The following CDK5RAP2 variants were observed in gnomAD, a reference collection of about 807,000 sequenced individuals.
The protein encoded by CDK5RAP2 is CDK5 regulatory subunit-associated protein 2.
A neutral mutation model predicts 232.9 loss-of-function variants in CDK5RAP2; 147 were observed. The ratio of observed to expected loss-of-function variants is 0.63; its 90% CI spans 0.55 to 0.72. The LOEUF is 0.72. Ranked by LOEUF, CDK5RAP2 falls within the 30% of genes least tolerant of loss-of-function variation. The pLI, the probability that CDK5RAP2 is intolerant of heterozygous loss-of-function variation, is 0.00. For synonymous variants in CDK5RAP2, 833 were observed against 833.7 expected (o/e 1.00, Z 0.01); for missense variants, 2,195 against 2,231.5 (o/e 0.98, Z 0.33).
intron 11 of CDK5RAP2, among the ~76,000 whole-genome samples, chr9:120,522,509 G>A (rs895264148): frequency 2.6e-5 from 4 of 152,198 alleles, no homozygotes; most frequent in African/African-American, 9.7e-5. Context: ...CAGAGTCAAG[G>A]CAAGAGGTGA....
At chr9:120,527,670 G>C (rs1384467053) in intron 10 of CDK5RAP2, 136 bp downstream of exon 10, 7 of 923,504 alleles carry the variant, frequency 7.6e-6, no homozygotes, top group African/African-American at 5.0e-5. Context: ...CGGTTGACTA[G>C]AGGATCATTT....
Position 120,404,122 on chromosome 9 carries a change from T to C in CDK5RAP2, c.4964-9A>G, listed in dbSNP as rs767786986. On this transcript the variant is annotated splice_polypyrimidine_tract_variant and intron_variant, in intron 32 of 37. Transcript: ENST00000349780. The stretch of plus-strand genomic sequence containing the variant: ...GGGATATTTGTCACCATCTACAAAA[T>C]GCAAAACACGAGAACTGTTAGTTTC... 6.9e-6 allele frequency: 11 copies of C among 1,584,578 alleles called. No individual in the cohort carries two copies. Among genetic ancestry groups the C allele is most frequent in the African/African-American group, 2.7e-5 (2 of 74,430 alleles).
At chr9:120,534,703 C>T (rs1399962388) in intron 7 of CDK5RAP2, among the ~76,000 whole-genome samples, 1 of 152,208 alleles carries the variant, frequency 6.6e-6, no homozygotes, top group Non-Finnish European at 1.5e-5. Flanking sequence ...TCTTTTCAAA[C>T]CTATCCCAAA....
intron 25 of CDK5RAP2, among the ~76,000 whole-genome samples, chr9:120,436,590 C>A (rs1463438141): frequency 6.6e-6 from 1 of 152,128 alleles, no homozygotes; most frequent in Non-Finnish European, 1.5e-5. Flanking sequence ...AGGAACCACA[C>A]CCTGAATTAT....
At chr9:120,436,581 G>A (rs1357397539) in intron 25 of CDK5RAP2, among the ~76,000 whole-genome samples, 1 of 152,130 alleles carries the variant, frequency 6.6e-6, no homozygotes, top group African/African-American at 2.4e-5. Flanking sequence ...CTTGGTCTGA[G>A]GAACCACACC....
intron 10 of CDK5RAP2, among the ~76,000 whole-genome samples, chr9:120,527,224 T>C (rs972339224): frequency 2.0e-5 from 3 of 152,292 alleles, no homozygotes; most frequent in African/African-American, 4.8e-5. Flanking sequence ...AGCTACCACC[T>C]TGGATTACAA....
chr9:120,440,319 C>A, intron 23 of CDK5RAP2: 1 of 321,990 alleles, frequency 3.1e-6, no homozygotes, highest in South Asian at 3.4e-5. Context: ...TAGTTCCAGG[C>A]AACCTTTCCA....
chr9:120,518,213 G>C (rs58415463), intron 12 of CDK5RAP2, among the ~76,000 whole-genome samples: 13,352 of 117,734 alleles, frequency 0.11, 418 homozygotes, highest in Non-Finnish European at 0.13. Context: ...GTGTGTGTGA[G>C]AGAGAGAGAG....
intron 19 of CDK5RAP2, among the ~76,000 whole-genome samples, chr9:120,459,075 C>T (rs899306117): frequency 7.9e-5 from 12 of 152,190 alleles, no homozygotes; most frequent in African/African-American, 1.9e-4. Flanking sequence ...GATTTGAGTG[C>T]TTATTATATT....
At chr9:120,497,218 T>A (rs1339497485) in intron 12 of CDK5RAP2, among the ~76,000 whole-genome samples, 2 of 131,712 alleles carry the variant, frequency 1.5e-5, no homozygotes, top group Non-Finnish European at 3.1e-5. Flanking sequence ...GGCAGCATGC[T>A]CGTTAAGAGT....
chr9:120,431,931 A>G (rs968664565), intron 25 of CDK5RAP2, among the ~76,000 whole-genome samples: 2 of 152,248 alleles, frequency 1.3e-5, no homozygotes, highest in Non-Finnish European at 2.9e-5. Context: ...TCTAAGTTAT[A>G]GACCCTCACC....
In CDK5RAP2 at chr9:120,389,711, G is replaced by A. The variant is rs763200008; in HGVS notation, c.5625+30C>T. On this transcript the variant is annotated intron_variant, in intron 37 of 37. Coordinates refer to ENST00000349780, the MANE Select transcript of CDK5RAP2 (RefSeq NM_018249.6). Reference sequence around the variant, plus strand: ...CTGCACTCCTCCTGACCTTCCACTGGCCTGCAGTGAAAAGACTCAAAGGGC... The same window carrying A: ...CTGCACTCCTCCTGACCTTCCACTGACCTGCAGTGAAAAGACTCAAAGGGC... 3.1e-6 allele frequency: 5 copies of A among 1,607,008 alleles called. No individual in the cohort carries two copies. The African/African-American group carries it at 5.4e-5, about 17-fold the overall frequency.
At chr9:120,564,346 C>T (rs1028265481) in intron 3 of CDK5RAP2, among the ~76,000 whole-genome samples, 1 of 151,896 alleles carries the variant, frequency 6.6e-6, no homozygotes, top group Non-Finnish European at 1.5e-5. Context: ...AAAAATTAGC[C>T]AGGCATGGTG....
At chr9:120,504,303 G>A (rs1320595692) in intron 12 of CDK5RAP2, among the ~76,000 whole-genome samples, 1 of 152,102 alleles carries the variant, frequency 6.6e-6, no homozygotes, top group Non-Finnish European at 1.5e-5. Flanking sequence ...CAAAGACTAG[G>A]CCTGGCTACA....
intron 25 of CDK5RAP2, among the ~76,000 whole-genome samples, chr9:120,430,249 A>T (rs1434168169): frequency 6.6e-6 from 1 of 152,182 alleles, no homozygotes; most frequent in Non-Finnish European, 1.5e-5. Flanking sequence ...ACAAAAGCCA[A>T]AATTGACAAA....
intron 8 of CDK5RAP2, 36 bp from the exon 9 acceptor site, chr9:120,528,833 G>T: frequency 6.8e-7 from 1 of 1,463,244 alleles, no homozygotes; most frequent in Non-Finnish European, 9.6e-7. Context: ...AAGAAGGGAC[G>T]TGCAATCCAA....
At chr9:120,571,437 G>A (rs2042852474) in intron 2 of CDK5RAP2, among the ~76,000 whole-genome samples, 1 of 152,156 alleles carries the variant, frequency 6.6e-6, no homozygotes, top group Admixed American at 6.5e-5. Context: ...AGAATGCTTA[G>A]CTAGACCCAA....
intron 14 of CDK5RAP2, among the ~76,000 whole-genome samples, chr9:120,482,621 C>T (rs962904364): frequency 7.2e-5 from 11 of 152,188 alleles, no homozygotes; most frequent in East Asian, 1.9e-4. Flanking sequence ...CCAGAGCTGG[C>T]GTGTCAGCCA....
intron 12 of CDK5RAP2, among the ~76,000 whole-genome samples, chr9:120,494,065 C>G (rs548823355): frequency 6.7e-6 from 1 of 148,912 alleles, no homozygotes; most frequent in Admixed American, 6.7e-5. Flanking sequence ...GCACTCCAGC[C>G]TGGGCAGTAC....
Sources: allele counts gnomAD v4.1 joint callset (sites outside exome capture counted in the v4.1 genomes callset), GRCh38; gene constraint gnomAD v4.1.1; transcripts MANE v1.5; gene names NCBI Gene and HGNC (gene_info 2026-07-23, HGNC 2026-07-21).